Variants in PREX2 observed in about 807,000 individuals in gnomAD.
PREX2 encodes the protein phosphatidylinositol 3,4,5-trisphosphate-dependent Rac exchanger 2 protein.
Under a neutral mutation model 203.2 loss-of-function variants are expected in PREX2, and 107 were observed. The observed-to-expected ratio is 0.53, with a 90% CI of 0.45 to 0.62. The LOEUF is 0.62. Among genes scored for constraint, PREX2 ranks in the 20% least tolerant of loss-of-function variants. The pLI is 0.00. For missense variants in PREX2, 1,777 were observed against 1,955.9 expected (o/e 0.91, Z 1.72); for synonymous variants, 672 against 663.6 (o/e 1.01, Z -0.19).
chr8:67,974,714 C>G (rs1372508157), intron 1 of PREX2, among the ~76,000 whole-genome samples: 2 of 152,150 alleles, frequency 1.3e-5, no homozygotes, highest in Admixed American at 1.3e-4. Flanking sequence ...GAAAAAGTTA[C>G]TTAACTTTTA....
At chr8:68,011,743 C>T (rs1286157565) in intron 1 of PREX2, among the ~76,000 whole-genome samples, 1 of 152,092 alleles carries the variant, frequency 6.6e-6, no homozygotes, top group East Asian at 1.9e-4. Flanking sequence ...TTTAGACCAA[C>T]TCATTGCCTT....
intron 35 of PREX2, among the ~76,000 whole-genome samples, chr8:68,189,192 A>G (rs1812247309): frequency 6.6e-6 from 1 of 152,216 alleles, no homozygotes; most frequent in African/African-American, 2.4e-5. Flanking sequence ...TACCTGTACA[A>G]TTGACGTGAA....
At chr8:68,014,982 T>C (rs1807373412) in intron 1 of PREX2, among the ~76,000 whole-genome samples, 4 of 152,288 alleles carry the variant, frequency 2.6e-5, no homozygotes, top group Non-Finnish European at 4.4e-5. Flanking sequence ...AAAGCTATTT[T>C]CCACTGCTTG....
intron 23 of PREX2, among the ~76,000 whole-genome samples, chr8:68,100,466 A>G (rs1339808809): frequency 2.6e-5 from 4 of 152,222 alleles, no homozygotes; most frequent in Non-Finnish European, 5.9e-5. Context: ...AAATCAAAAT[A>G]GGGAAGTATG....
intron 23 of PREX2, among the ~76,000 whole-genome samples, chr8:68,100,450 A>G (rs768012675): frequency 1.3e-5 from 2 of 152,244 alleles, no homozygotes; most frequent in Non-Finnish European, 2.9e-5. Context: ...GAGAAGAATT[A>G]TGAGGAAATC....
chr8:68,146,298 C>A lies in PREX2; in HGVS notation c.4177C>A (p.Gln1393Lys), dbSNP rs1350497968. Residue 1393 changes from glutamine (Q) to lysine (K), a missense_variant, in exon 34 of 40, where the codon CAA becomes AAA. Physicochemically the swap from Gln to Lys is moderately conservative, Grantham distance 53. Transcript: ENST00000288368. ...TAGTTATCATTTTGAACAACTTCCT[C>A]AACGGCTGAAAAATGGAGGAGGGTT... is the stretch of plus-strand genomic sequence containing the variant. ...IDSYHFEQLPQRLKNGGGFKI... is the reference protein window; with the variant it reads ...IDSYHFEQLPKRLKNGGGFKI... The A allele has an allele frequency of 6.8e-6, 11 of 1,612,844 alleles. No homozygotes were observed. The highest frequency in any genetic ancestry group is 8.5e-6 in the Non-Finnish European group (10 of 1,179,390).
chr8:68,053,986 G>C lies in PREX2; in HGVS notation c.1093+740G>C, dbSNP rs7017856. ...CTTGTATTTCTACTAATTAACAATT[G>C]ATTTCTTAATTAAGAAGCATGACAT... On this transcript the variant is annotated intron_variant, in intron 9 of 39. Coordinates refer to ENST00000288368, the MANE Select transcript of PREX2 (RefSeq NM_024870.4). Among the ~76,000 whole-genome samples, 939 of 152,268 alleles carry C rather than the reference G, an allele frequency of 6.2e-3. 12 individuals carry two copies. The highest frequency in any genetic ancestry group is 0.021 in the African/African-American group (887 of 41,572).
chr8:68,110,868 T>C (rs1380330302), intron 25 of PREX2: 2 of 334,070 alleles, frequency 6.0e-6, no homozygotes, highest in Admixed American at 7.9e-5. Context: ...AGAATTAAGA[T>C]TTTGTTTTTC....
At chr8:68,183,317 C>G (rs1812122330) in intron 35 of PREX2, among the ~76,000 whole-genome samples, 1 of 152,002 alleles carries the variant, frequency 6.6e-6, no homozygotes, top group Non-Finnish European at 1.5e-5. Flanking sequence ...AAAAGTTATT[C>G]TTTGGTATGA....
chr8:68,211,319 A>G (rs1022352571), intron 37 of PREX2, among the ~76,000 whole-genome samples: 49 of 152,352 alleles, frequency 3.2e-4, no homozygotes, highest in African/African-American at 1.1e-3. Flanking sequence ...ATAATCTTAT[A>G]ACATCATAAT....
At chr8:68,177,145 A>C (rs1273119677) in intron 35 of PREX2, 3 of 152,516 alleles carry the variant, frequency 2.0e-5, no homozygotes, top group Non-Finnish European at 4.4e-5. Flanking sequence ...TGTGTAATTG[A>C]AAGCTATTTG....
chr8:68,172,308 A>G (rs987027166), intron 35 of PREX2, among the ~76,000 whole-genome samples: 1 of 152,186 alleles, frequency 6.6e-6, no homozygotes, highest in Non-Finnish European at 1.5e-5. Context: ...GTTATACTCA[A>G]ATGCCAAATT....
intron 1 of PREX2, among the ~76,000 whole-genome samples, chr8:67,961,467 A>G (rs527744121): frequency 2.8e-4 from 42 of 152,272 alleles, no homozygotes; most frequent in African/African-American, 9.4e-4. Flanking sequence ...TATATTAGCT[A>G]TATTAAAATC....
At chr8:68,178,104 G>A (rs914172441) in intron 35 of PREX2, among the ~76,000 whole-genome samples, 8 of 152,096 alleles carry the variant, frequency 5.3e-5, no homozygotes, top group Admixed American at 6.6e-5. Context: ...GAACATATAT[G>A]TGCATGCATC....
intron 1 of PREX2, among the ~76,000 whole-genome samples, chr8:67,976,555 A>ACAGAGAGAGAGAGGG (rs1563480046): frequency 8.7e-6 from 1 of 114,712 alleles, no homozygotes; most frequent in Non-Finnish European, 1.9e-5. Flanking sequence ...AGAGACAGAG[A>ACAGAGAGAGAGAGGG]GAGAGAGACA....
At chr8:68,101,050 C>T (rs936921898) in intron 23 of PREX2, among the ~76,000 whole-genome samples, 9 of 151,946 alleles carry the variant, frequency 5.9e-5, no homozygotes, top group African/African-American at 2.2e-4. Flanking sequence ...CTATTTATAC[C>T]AATAGAAGAC....
At chr8:68,151,586 T>A (rs1351255474) in intron 34 of PREX2, among the ~76,000 whole-genome samples, 2 of 152,138 alleles carry the variant, frequency 1.3e-5, no homozygotes, top group African/African-American at 2.4e-5. Context: ...GAATGTGGCA[T>A]CATATACAGG....
intron 11 of PREX2, among the ~76,000 whole-genome samples, chr8:68,061,736 G>A (rs1808862007): frequency 6.6e-6 from 1 of 152,182 alleles, no homozygotes; most frequent in Non-Finnish European, 1.5e-5. Flanking sequence ...GGACCGTGTA[G>A]GCCAGCCAGT....
intron 1 of PREX2, among the ~76,000 whole-genome samples, chr8:67,954,217 CT>C (rs1805430736): frequency 2.0e-5 from 3 of 152,072 alleles, no homozygotes; most frequent in Admixed American, 6.5e-5. Context: ...TTCATGATTT[CT>C]TTTTATCTCT....
Sources: gnomAD v4.1 joint callset for allele counts (sites outside exome capture counted in the v4.1 genomes callset) on GRCh38, gnomAD v4.1.1 for gene constraint, MANE v1.5 for transcripts, NCBI Gene and HGNC (gene_info 2026-07-23, HGNC 2026-07-21) for gene names.